The following SHB variants were observed in gnomAD, a reference collection of about 807,000 sequenced individuals.
The protein encoded by SHB is SH2 domain-containing adapter protein B.
A neutral mutation model predicts 52.3 loss-of-function variants in SHB; 20 were observed. The observed-to-expected ratio is 0.38, with a 90% confidence interval of 0.27 to 0.56. The LOEUF is 0.56. SHB is among the 20% of genes least tolerant of loss of function. The pLI is 0.71. For synonymous variants in SHB, 397 were observed against 316.5 expected (o/e 1.25, Z -2.70); for missense variants, 825 against 723.3 (o/e 1.14, Z -1.61).
At chr9:38,024,427 G>A (rs1324359840) in intron 1 of SHB, among the ~76,000 whole-genome samples, 1 of 152,204 alleles carries the variant, frequency 6.6e-6, no homozygotes, top group Admixed American at 6.5e-5. Flanking sequence ...CCCTCCCACG[G>A]CCACAGCTGC....
intron 2 of SHB, among the ~76,000 whole-genome samples, chr9:38,010,276 G>A (rs533569867): frequency 6.6e-6 from 1 of 152,290 alleles, no homozygotes; most frequent in African/African-American, 2.4e-5. Flanking sequence ...GGCACACAGG[G>A]AAGCCCTTTG....
chr9:37,965,414 C>T (rs1486652116), intron 3 of SHB, among the ~76,000 whole-genome samples: 1 of 152,152 alleles, frequency 6.6e-6, no homozygotes, highest in East Asian at 1.9e-4. Context: ...CTCAGAAATG[C>T]CCTCCTACTG....
intron 5 of SHB, among the ~76,000 whole-genome samples, chr9:37,938,804 G>A (rs1327973109): frequency 6.6e-6 from 1 of 152,252 alleles, no homozygotes; most frequent in Non-Finnish European, 1.5e-5. Context: ...GTCTGGCACT[G>A]CCGGGTTGGG....
At chr9:37,921,487 T>C (rs1832180034) in intron 5 of SHB, among the ~76,000 whole-genome samples, 1 of 152,256 alleles carries the variant, frequency 6.6e-6, no homozygotes, top group Non-Finnish European at 1.5e-5. Context: ...CTAAGCAATA[T>C]GTCTGCTCAT....
chr9:38,052,822 A>C (rs994050689), intron 1 of SHB, among the ~76,000 whole-genome samples: 3 of 152,056 alleles, frequency 2.0e-5, no homozygotes, highest in Non-Finnish European at 4.4e-5. Flanking sequence ...TCCATCATCT[A>C]CTAGGGACCA....
intron 5 of SHB, among the ~76,000 whole-genome samples, chr9:37,922,812 C>T (rs1239206473): frequency 1.3e-5 from 2 of 152,178 alleles, no homozygotes; most frequent in Non-Finnish European, 2.9e-5. Flanking sequence ...TGGGCTCTGT[C>T]CCTTCTCCTG....
At chr9:37,950,897 A>G (rs976553320) in intron 4 of SHB, among the ~76,000 whole-genome samples, 1 of 152,188 alleles carries the variant, frequency 6.6e-6, no homozygotes, top group Non-Finnish European at 1.5e-5. Context: ...GCCCATCCAG[A>G]GGCTGCATTT....
rs111746213 is a variant in SHB at position 37,946,105 on chromosome 9, C to T, written c.1346+2530G>A. The stretch of plus-strand genomic sequence containing the variant: ...TGTCTGTCAGCAGCTCATTGCCATA[C>T]GCAGTGCACAGATGAGGACACTGAG... On this transcript the variant is annotated intron_variant, in intron 5 of 5. Coordinates refer to ENST00000377707, the MANE Select transcript of SHB (RefSeq NM_003028.3). Among the ~76,000 whole-genome samples the T allele has an allele frequency of 7.0e-3, 1,068 of 152,288 alleles. 9 individuals are homozygous for T. The highest frequency in any genetic ancestry group is 0.024 in the African/African-American group (1,010 of 41,552).
At chr9:37,954,268 G>A (rs180896361) in intron 4 of SHB, among the ~76,000 whole-genome samples, 31 of 152,342 alleles carry the variant, frequency 2.0e-4, no homozygotes, top group Admixed American at 1.7e-3. Flanking sequence ...GATGTCATTC[G>A]GAAAACCCTG....
chr9:37,953,911 C>A (rs756780423), intron 4 of SHB, among the ~76,000 whole-genome samples: 8 of 152,110 alleles, frequency 5.3e-5, no homozygotes, highest in Non-Finnish European at 1.0e-4. Flanking sequence ...GGAGGAAAAG[C>A]CAGTCATGCC....
At chr9:38,031,306 C>A (rs963992719) in intron 1 of SHB, among the ~76,000 whole-genome samples, 2 of 151,854 alleles carry the variant, frequency 1.3e-5, no homozygotes, top group East Asian at 1.9e-4. Flanking sequence ...GGTGACAGAG[C>A]GAGAGACTAT....
chr9:37,920,826 C>G (rs1832172037), intron 5 of SHB, among the ~76,000 whole-genome samples: 2 of 152,228 alleles, frequency 1.3e-5, no homozygotes, highest in African/African-American at 4.8e-5. Context: ...GGAGCAGGGC[C>G]CAGTCTATGT....
intron 1 of SHB, among the ~76,000 whole-genome samples, chr9:38,021,962 T>TGAGGCC (rs1351204234): frequency 6.6e-6 from 1 of 152,182 alleles, no homozygotes; most frequent in Non-Finnish European, 1.5e-5. Flanking sequence ...CCCCGGAAAG[T>TGAGGCC]GAGGGGGCAG....
intron 2 of SHB, among the ~76,000 whole-genome samples, chr9:38,014,678 C>T (rs7870675): frequency 0.049 from 7,480 of 152,348 alleles, 418 homozygotes; most frequent in African/African-American, 0.14. Context: ...TGGTCCACTG[C>T]TCTCTGCCCT....
At chr9:37,966,936 C>A (rs1046935253) in intron 3 of SHB, among the ~76,000 whole-genome samples, 2 of 152,172 alleles carry the variant, frequency 1.3e-5, no homozygotes, top group African/African-American at 4.8e-5. Flanking sequence ...GTCACGAGGG[C>A]AACATGGTAT....
At chr9:37,951,895 G>A (rs974502938) in intron 4 of SHB, among the ~76,000 whole-genome samples, 4 of 152,208 alleles carry the variant, frequency 2.6e-5, no homozygotes, top group African/African-American at 4.8e-5. Flanking sequence ...TGGGCTGGGC[G>A]GTCCTGTGGG....
At chr9:38,057,678 C>A (rs1396519646) in intron 1 of SHB, among the ~76,000 whole-genome samples, 1 of 152,230 alleles carries the variant, frequency 6.6e-6, no homozygotes, top group East Asian at 1.9e-4. Context: ...TCTGGGAGTG[C>A]ACATCCAACA....
intron 3 of SHB, among the ~76,000 whole-genome samples, chr9:37,960,812 G>T (rs1587214424): frequency 6.6e-6 from 1 of 152,176 alleles, no homozygotes; most frequent in African/African-American, 2.4e-5. Context: ...TGCCACGTGG[G>T]TAATGGGTGA....
intron 5 of SHB, among the ~76,000 whole-genome samples, chr9:37,940,443 G>T (rs1410527790): frequency 1.3e-5 from 2 of 152,114 alleles, no homozygotes; most frequent in Admixed American, 1.3e-4. Flanking sequence ...CTACAGCAGT[G>T]GCTTCTAATT....
Sources: gnomAD v4.1 joint callset for allele counts (sites outside exome capture counted in the v4.1 genomes callset) on GRCh38, gnomAD v4.1.1 for gene constraint, MANE v1.5 for transcripts, NCBI Gene and HGNC (gene_info 2026-07-23, HGNC 2026-07-21) for gene names.